The following MAST4 variants were observed in gnomAD, a reference collection of about 807,000 sequenced individuals.
MAST4 encodes microtubule-associated serine/threonine-protein kinase 4.
MAST4 carries 89 observed loss-of-function variants against 162.7 expected under a neutral mutation model. The ratio of observed to expected loss-of-function variants is 0.55; its 90% CI spans 0.46 to 0.65. The LOEUF is 0.65. Ranked by LOEUF, MAST4 falls within the 30% of genes least tolerant of loss-of-function variation. The pLI, the probability that MAST4 is intolerant of heterozygous loss-of-function variation, is 0.00. For missense variants in MAST4, 3,153 were observed against 3,374.0 expected (o/e 0.93, Z 1.62); for synonymous variants, 1,479 against 1,361.1 (o/e 1.09, Z -1.91).
intron 27 of MAST4, among the ~76,000 whole-genome samples, chr5:67,160,893 A>G (rs1773111430): frequency 6.6e-6 from 1 of 152,358 alleles, no homozygotes; most frequent in East Asian, 1.9e-4. Context: ...AGTTGGATTG[A>G]GGAACTGGAT....
intron 5 of MAST4, among the ~76,000 whole-genome samples, chr5:67,058,633 T>C (rs941334603): frequency 1.3e-5 from 2 of 152,226 alleles, no homozygotes; most frequent in African/African-American, 2.4e-5. Flanking sequence ...ATTGGAAGGA[T>C]ACACAAGATA....
chr5:66,668,090 C>G (rs1338002602), intron 1 of MAST4, among the ~76,000 whole-genome samples: 2 of 152,074 alleles, frequency 1.3e-5, no homozygotes, highest in African/African-American at 2.4e-5. Context: ...ACTCAGAGTA[C>G]AATCAAAGCT....
At chr5:66,628,774 A>G (rs1342692306) in intron 1 of MAST4, among the ~76,000 whole-genome samples, 2 of 152,158 alleles carry the variant, frequency 1.3e-5, no homozygotes, top group South Asian at 2.1e-4. Flanking sequence ...AGAAGGAAAC[A>G]TGATTATGTG....
At chr5:66,617,475 A>AT (rs5868457) in intron 1 of MAST4, among the ~76,000 whole-genome samples, 23,636 of 141,496 alleles carry the variant, frequency 0.17, 2,186 homozygotes, top group Non-Finnish European at 0.21. Context: ...GAGAAGGGTT[A>AT]TTTTTTTTTT....
chr5:66,717,459 T>C (rs1337144906), intron 1 of MAST4, among the ~76,000 whole-genome samples: 1 of 152,226 alleles, frequency 6.6e-6, no homozygotes, highest in Non-Finnish European at 1.5e-5. Context: ...TTTTGACTGT[T>C]TTCTAGCAAA....
chr5:67,080,954 ATATATAATTGTATATATTATATAATATAT>A (rs1762529432), intron 5 of MAST4, among the ~76,000 whole-genome samples: 1 of 136,340 alleles, frequency 7.3e-6, no homozygotes, highest in Non-Finnish European at 1.5e-5. Context: ...ATATAATATA[ATATATAATTGTATATATTATATAATATAT>A]ATAATTGTAT....
intron 1 of MAST4, among the ~76,000 whole-genome samples, chr5:66,660,200 C>T (rs1276356266): frequency 1.3e-5 from 2 of 152,140 alleles, no homozygotes; most frequent in Non-Finnish European, 2.9e-5. Flanking sequence ...ACCAGCCTGA[C>T]CAACATGGAG....
At chr5:66,740,610 T>C (rs1393151908) in intron 1 of MAST4, among the ~76,000 whole-genome samples, 1 of 152,126 alleles carries the variant, frequency 6.6e-6, no homozygotes, top group Admixed American at 6.5e-5. Context: ...TTGGAGGTGA[T>C]CTTAGGAGGC....
intron 19 of MAST4, among the ~76,000 whole-genome samples, chr5:67,139,079 C>T (rs748379520): frequency 6.6e-6 from 1 of 152,110 alleles, no homozygotes; most frequent in African/African-American, 2.4e-5. Context: ...AACAGAAATC[C>T]AGAAGAGACA....
intron 2 of MAST4, among the ~76,000 whole-genome samples, chr5:66,774,994 CCT>C (rs1491189913): frequency 5.5e-4 from 56 of 102,218 alleles, no homozygotes; most frequent in African/African-American, 1.9e-3. Flanking sequence ...ATATCCTTTT[CCT>C]GTGTGTGTGT....
intron 6 of MAST4, among the ~76,000 whole-genome samples, 160 bp downstream of exon 6, chr5:67,090,391 C>G (rs1374188792): frequency 1.1e-5 from 1 of 90,942 alleles, no homozygotes; most frequent in Non-Finnish European, 2.3e-5. Flanking sequence ...CTCCCCACTT[C>G]CCCTTCTCCC....
intron 4 of MAST4, chr5:66,959,125 C>A (rs933257340): frequency 1.4e-6 from 1 of 707,384 alleles, no homozygotes; most frequent in African/African-American, 1.7e-5. Flanking sequence ...GCCTCCCCCT[C>A]CCCCTCGAGA....
At chr5:66,758,121 G>A (rs1462060001) in intron 1 of MAST4, among the ~76,000 whole-genome samples, 3 of 150,418 alleles carry the variant, frequency 2.0e-5, no homozygotes. Flanking sequence ...ATCTGGCTTT[G>A]ATCTTGGAGT....
intron 14 of MAST4, among the ~76,000 whole-genome samples, chr5:67,121,644 A>G (rs1297794844): frequency 1.3e-5 from 2 of 151,474 alleles, no homozygotes; most frequent in African/African-American, 4.8e-5. Flanking sequence ...GCCACACATA[A>G]AATACATTAA....
At chr5:66,953,284 T>C (rs76570726) in intron 4 of MAST4, among the ~76,000 whole-genome samples, 1,673 of 152,262 alleles carry the variant, frequency 0.011, 27 homozygotes, top group African/African-American at 0.038. Context: ...AAATATTGCA[T>C]TGGGGAGATC....
At position 66,758,379 on chromosome 5, in the gene MAST4, TTAAA is replaced by T. The variant is rs1319207954; in HGVS notation, c.364-1323_364-1320del. ...TAATAGTTTTATAGAACTATTATTA[TTAAA>T]TAAATAGAAATAAATATTTCTATTT... is the stretch of plus-strand genomic sequence containing the variant. On this transcript the variant is annotated intron_variant, in intron 1 of 28. Coordinates refer to ENST00000403625, the MANE Select transcript of MAST4 (RefSeq NM_001164664.2). Among the ~76,000 whole-genome samples, 20 of 151,646 alleles carry T rather than the reference TTAAA, an allele frequency of 1.3e-4. No individual in the cohort carries two copies. The South Asian group carries it at 3.7e-3, about 28-fold the overall frequency.
Position 66,974,630 on chromosome 5 carries a change from A to T in MAST4, c.674+74648A>T, listed in dbSNP as rs528477048. On this transcript the variant is annotated intron_variant, in intron 4 of 28. Coordinates refer to ENST00000403625, the MANE Select transcript of MAST4 (RefSeq NM_001164664.2). ...TTTCCTTCGTCTCCAGCTTCTCTGA[A>T]CAGAAGGTTTGGCCATTTTAGAAAT... Among the ~76,000 whole-genome samples the T allele has an allele frequency of 3.9e-5, 6 of 152,352 alleles. No homozygotes were observed. In the South Asian group the frequency reaches 1.0e-3, roughly 26 times the overall value.
chr5:66,906,769 A>G (rs982350781), intron 4 of MAST4, among the ~76,000 whole-genome samples: 2 of 152,224 alleles, frequency 1.3e-5, no homozygotes, highest in African/African-American at 2.4e-5. Flanking sequence ...CCATTTTACC[A>G]TATGACTACA....
intron 4 of MAST4, among the ~76,000 whole-genome samples, chr5:67,031,302 C>T (rs1027015615): frequency 3.9e-5 from 6 of 152,054 alleles, no homozygotes; most frequent in Non-Finnish European, 5.9e-5. Context: ...AGAGGAGGGT[C>T]GTCTCTTGTC....
Sources: allele counts gnomAD v4.1 joint callset (sites outside exome capture counted in the v4.1 genomes callset), GRCh38; gene constraint gnomAD v4.1.1; transcripts MANE v1.5; gene names NCBI Gene and HGNC (gene_info 2026-07-23, HGNC 2026-07-21).